SEMA5A: variants seen among roughly 807,000 people sequenced by gnomAD.
The protein encoded by SEMA5A is semaphorin 5A, also known as semaphorin-5A.
In SEMA5A, 55 loss-of-function variants were observed where a neutral mutation model predicts 135.5. The ratio of observed to expected loss-of-function variants is 0.41; its 90% CI spans 0.33 to 0.51. SEMA5A has a LOEUF of 0.51. Among genes scored for constraint, SEMA5A ranks in the 20% least tolerant of loss-of-function variants. SEMA5A has a pLI of 0.37. For synonymous variants in SEMA5A, 580 were observed against 546.5 expected (o/e 1.06, Z -0.85); for missense variants, 1,290 against 1,419.9 (o/e 0.91, Z 1.47).
At chr5:9,358,060 A>T (rs1007340637) in intron 3 of SEMA5A, among the ~76,000 whole-genome samples, 3 of 152,296 alleles carry the variant, frequency 2.0e-5, no homozygotes, top group Non-Finnish European at 1.5e-5. Flanking sequence ...TCCCCAACAT[A>T]TGTTCAGAGT....
chr5:9,446,427 C>T (rs1758436753), intron 1 of SEMA5A, among the ~76,000 whole-genome samples: 2 of 152,196 alleles, frequency 1.3e-5, no homozygotes, highest in East Asian at 3.9e-4. Context: ...TCTAAGGACA[C>T]CAGGGCCTCA....
chr5:9,079,621 T>C (rs1410915014), intron 16 of SEMA5A, among the ~76,000 whole-genome samples: 1 of 151,950 alleles, frequency 6.6e-6, no homozygotes, highest in Non-Finnish European at 1.5e-5. Context: ...ACAGATGGGA[T>C]AAAATTTTTG....
At chr5:9,115,101 C>G (rs1740444318) in intron 15 of SEMA5A, among the ~76,000 whole-genome samples, 1 of 152,148 alleles carries the variant, frequency 6.6e-6, no homozygotes, top group Admixed American at 6.5e-5. Flanking sequence ...GTGGAGTAAC[C>G]TTGTAGAAAT....
At chr5:9,513,779 T>C (rs1378603621) in intron 1 of SEMA5A, among the ~76,000 whole-genome samples, 6 of 152,192 alleles carry the variant, frequency 3.9e-5, no homozygotes, top group Non-Finnish European at 7.3e-5. Flanking sequence ...ATAGCAATTA[T>C]AGCTTCATAC....
chr5:9,300,438 A>C (rs1223601118), intron 5 of SEMA5A, among the ~76,000 whole-genome samples: 1 of 152,184 alleles, frequency 6.6e-6, no homozygotes, highest in Non-Finnish European at 1.5e-5. Context: ...AAACTCTGAG[A>C]AGGAGAAAAA....
At chr5:9,478,468 C>T (rs1292658891) in intron 1 of SEMA5A, among the ~76,000 whole-genome samples, 3 of 152,228 alleles carry the variant, frequency 2.0e-5, no homozygotes, top group Non-Finnish European at 4.4e-5. Flanking sequence ...GCTACAGGGG[C>T]TGTACCCTGC....
intron 5 of SEMA5A, among the ~76,000 whole-genome samples, chr5:9,251,533 T>C (rs1300710560): frequency 6.6e-6 from 1 of 152,180 alleles, no homozygotes; most frequent in Admixed American, 6.6e-5. Context: ...ATTTCTCAAG[T>C]TTTGACTATG....
intron 1 of SEMA5A, among the ~76,000 whole-genome samples, chr5:9,496,628 T>C (rs1182234391): frequency 6.6e-6 from 1 of 152,200 alleles, no homozygotes; most frequent in African/African-American, 2.4e-5. Context: ...CCAGCTGGGA[T>C]GTGGCAGGGT....
chr5:9,184,929 A>ATT (rs890874019), intron 11 of SEMA5A, among the ~76,000 whole-genome samples: 1 of 151,172 alleles, frequency 6.6e-6, no homozygotes, highest in Non-Finnish European at 1.5e-5. Flanking sequence ...GAGCCTTCAT[A>ATT]TTTTTTTTTC....
At chr5:9,050,775 C>T (rs1039812353) in intron 20 of SEMA5A, among the ~76,000 whole-genome samples, 1 of 152,228 alleles carries the variant, frequency 6.6e-6, no homozygotes, top group Non-Finnish European at 1.5e-5. Context: ...GATCCCCCCA[C>T]TCTGCCCAAC....
At chr5:9,066,100 T>C (rs1312162095) in intron 17 of SEMA5A, among the ~76,000 whole-genome samples, 1 of 152,212 alleles carries the variant, frequency 6.6e-6, no homozygotes, top group Admixed American at 6.5e-5. Context: ...AGAAGATGTA[T>C]GAAAGATCAG....
At chr5:9,102,041 A>C (rs1445641374) in intron 16 of SEMA5A, among the ~76,000 whole-genome samples, 1 of 152,230 alleles carries the variant, frequency 6.6e-6, no homozygotes, top group Non-Finnish European at 1.5e-5. Flanking sequence ...ATATCTCTTC[A>C]TAACAACCCA....
intron 1 of SEMA5A, among the ~76,000 whole-genome samples, chr5:9,443,720 T>G (rs2126685398): frequency 6.6e-6 from 1 of 152,380 alleles, no homozygotes; most frequent in Non-Finnish European, 1.5e-5. Context: ...CTTTGAAGGA[T>G]ACAAATAACA....
chr5:9,515,027 A>G (rs765464560), intron 1 of SEMA5A, among the ~76,000 whole-genome samples: 3 of 152,188 alleles, frequency 2.0e-5, no homozygotes, highest in Non-Finnish European at 4.4e-5. Flanking sequence ...CTTAAATCGT[A>G]TTTTCATAAC....
At chr5:9,076,871 TGTGTGTGTG>T (rs1256296940) in intron 16 of SEMA5A, among the ~76,000 whole-genome samples, 1 of 90,082 alleles carries the variant, frequency 1.1e-5, no homozygotes, top group African/African-American at 5.5e-5. Flanking sequence ...ACGATCTTTG[TGTGTGTGTG>T]TGTGTGTGTG....
In SEMA5A at chr5:9,043,035, A is replaced by AT; in HGVS notation, c.3106-20_3106-19insA. 4 of 1,591,982 alleles carry AT rather than the reference A, an allele frequency of 2.5e-6. No individual in the cohort carries two copies. Among genetic ancestry groups the AT allele is most frequent in the Non-Finnish European group, 3.4e-6 (4 of 1,165,912 alleles). On this transcript the variant is annotated intron_variant, in intron 22 of 22. Transcript: ENST00000382496. The stretch of plus-strand genomic sequence containing the variant: ...TAAATGCCTGGAAAATATATTAAAA[A>AT]AAAACAGGTTTAAGAATGCTGAGTA...
rs770699702 is a variant in SEMA5A, at chr5:9,337,831, T to A, written c.125-19A>T. ...CCAATTTCTAAATAGAAAAAATAAA[T>A]AAATAAAAAGATAAAAATGAATTAT... On this transcript the variant is annotated intron_variant, in intron 3 of 22. Coordinates refer to ENST00000382496, the MANE Select transcript of SEMA5A (RefSeq NM_003966.3). 7 of 1,510,052 alleles carry A rather than the reference T, an allele frequency of 4.6e-6. No individual in the cohort carries two copies. In the African/African-American group the frequency reaches 8.4e-5, roughly 18 times the overall value. 93.5% of individuals were successfully genotyped at this position (1,510,052 alleles called of 1,614,324 possible).
chr5:9,490,935 C>G lies in SEMA5A; in HGVS notation c.-174-53083G>C, dbSNP rs1176882447. Among the ~76,000 whole-genome samples, 4 of 152,314 alleles carry G rather than the reference C, an allele frequency of 2.6e-5. No individual in the cohort carries two copies. The East Asian group carries it at 5.8e-4, about 22-fold the overall frequency. ...TCCACTGTGTCTTCTTCTAGATATA[C>G]AAAGCAGTTACAGCAGGTACTGCAC... On this transcript the variant is annotated intron_variant, in intron 1 of 22. Coordinates refer to ENST00000382496, the MANE Select transcript of SEMA5A (RefSeq NM_003966.3).
chr5:9,507,908 G>C (rs1209285164), intron 1 of SEMA5A, among the ~76,000 whole-genome samples: 1 of 151,944 alleles, frequency 6.6e-6, no homozygotes, highest in East Asian at 1.9e-4. Flanking sequence ...GGAGGCTGAG[G>C]CAGGAGAATG....
Sources: allele counts gnomAD v4.1 joint callset (sites outside exome capture counted in the v4.1 genomes callset), GRCh38; gene constraint gnomAD v4.1.1; transcripts MANE v1.5; gene names NCBI Gene and HGNC (gene_info 2026-07-23, HGNC 2026-07-21).